The following GDAP1 variants were observed in gnomAD, a reference collection of about 807,000 sequenced individuals.
GDAP1 encodes the protein ganglioside-induced differentiation-associated protein 1.
Under a neutral mutation model 40.1 loss-of-function variants are expected in GDAP1, and 34 were observed. The observed-to-expected ratio is 0.85, with a 90% CI of 0.64 to 1.13. The LOEUF (loss-of-function observed/expected upper bound fraction) is 1.13. GDAP1 is among the 50% of genes most tolerant of loss of function. The probability of loss-of-function intolerance (pLI) is 0.00; values close to 1 mark genes in which losing one functional copy is unlikely to be tolerated. For missense variants in GDAP1, 374 were observed against 433.7 expected (o/e 0.86, Z 1.22); for synonymous variants, 170 against 157.4 (o/e 1.08, Z -0.60).
chr8:74,449,542 T>C (rs1412777737), intron 2 of GDAP1, among the ~76,000 whole-genome samples: 5 of 152,022 alleles, frequency 3.3e-5, no homozygotes, highest in African/African-American at 1.2e-4. Context: ...TTTGCATATC[T>C]TTGTTAAATT....
intron 2 of GDAP1, among the ~76,000 whole-genome samples, chr8:74,415,862 T>C (rs1057206956): frequency 1.3e-5 from 2 of 149,324 alleles, no homozygotes; most frequent in East Asian, 1.9e-4. Context: ...AGGGGGACTG[T>C]GAGAGAGGTT....
intron 2 of GDAP1, among the ~76,000 whole-genome samples, chr8:74,352,198 A>G (rs1398779738): frequency 6.6e-6 from 1 of 152,216 alleles, no homozygotes; most frequent in Admixed American, 6.5e-5. Flanking sequence ...ACTGTCTCCC[A>G]TAATCCTTGC....
intron 2 of GDAP1, among the ~76,000 whole-genome samples, chr8:74,377,559 T>A (rs1057122443): frequency 6.6e-6 from 1 of 152,180 alleles, no homozygotes; most frequent in Non-Finnish European, 1.5e-5. Flanking sequence ...AAATCCAAAT[T>A]AAAACCGCAA....
chr8:74,354,483 G>T (rs1200995115), intron 2 of GDAP1, among the ~76,000 whole-genome samples: 1 of 152,134 alleles, frequency 6.6e-6, no homozygotes, highest in Non-Finnish European at 1.5e-5. Flanking sequence ...GTGAATGACA[G>T]AAAAGGTAAA....
At chr8:74,381,029 A>G (rs1264127818) in intron 2 of GDAP1, among the ~76,000 whole-genome samples, 1 of 151,922 alleles carries the variant, frequency 6.6e-6, no homozygotes, top group Admixed American at 6.6e-5. Context: ...TAGGTGAGGG[A>G]GAAAGGGATT....
intron 2 of GDAP1, among the ~76,000 whole-genome samples, chr8:74,475,287 G>A (rs907604685): frequency 6.6e-6 from 1 of 151,520 alleles, no homozygotes; most frequent in Non-Finnish European, 1.5e-5. Flanking sequence ...GTGTCCTTTG[G>A]TTAAGCTCTG....
At chr8:74,398,235 C>T (rs1234136722) in intron 2 of GDAP1, among the ~76,000 whole-genome samples, 2 of 152,086 alleles carry the variant, frequency 1.3e-5, no homozygotes, top group Non-Finnish European at 2.9e-5. Flanking sequence ...TTCTTTGTCT[C>T]TTTTGATCTT....
chr8:74,395,286 A>G (rs548659728), intron 2 of GDAP1, among the ~76,000 whole-genome samples: 1 of 152,194 alleles, frequency 6.6e-6, no homozygotes, highest in African/African-American at 2.4e-5. Context: ...TTTTAAGTTC[A>G]GGGACCTGGT....
intron 2 of GDAP1, among the ~76,000 whole-genome samples, chr8:74,477,468 T>TA (rs1806644851): frequency 1.3e-5 from 2 of 152,264 alleles, no homozygotes; most frequent in East Asian, 3.9e-4. Context: ...GGATGGTTTT[T>TA]TTTTTTAATT....
At chr8:74,459,265 TATAATGGAA>T (rs1806372158) in intron 2 of GDAP1, among the ~76,000 whole-genome samples, 1 of 152,192 alleles carries the variant, frequency 6.6e-6, no homozygotes, top group Non-Finnish European at 1.5e-5. Context: ...CAGTGTCATA[TATAATGGAA>T]ATAATGAGGA....
chr8:74,350,663 C>T (rs1808812668), intron 1 of GDAP1, 85 bp downstream of exon 1: 1 of 923,466 alleles, frequency 1.1e-6, no homozygotes, highest in South Asian at 1.3e-5. Flanking sequence ...CCAGGGAAGC[C>T]GGTCCACCTA....
At chr8:74,477,771 C>A (rs1263862555) in intron 2 of GDAP1, among the ~76,000 whole-genome samples, 1 of 152,126 alleles carries the variant, frequency 6.6e-6, no homozygotes, top group Non-Finnish European at 1.5e-5. Context: ...TTCACATATA[C>A]CAGCAACAGT....
intron 2 of GDAP1, among the ~76,000 whole-genome samples, chr8:74,416,349 A>G (rs1213582424): frequency 6.7e-6 from 1 of 150,050 alleles, no homozygotes; most frequent in Non-Finnish European, 1.5e-5. Context: ...TGAGGCATGC[A>G]CAAATCTCTG....
chr8:74,444,142 C>A (rs570724933), intron 2 of GDAP1, among the ~76,000 whole-genome samples: 1 of 150,902 alleles, frequency 6.6e-6, no homozygotes, highest in Non-Finnish European at 1.5e-5. Flanking sequence ...TGAAAACAGC[C>A]AACTGTCCAT....
At chr8:74,402,557 C>T (rs1316555609) in intron 2 of GDAP1, among the ~76,000 whole-genome samples, 1 of 150,164 alleles carries the variant, frequency 6.7e-6, no homozygotes, top group Non-Finnish European at 1.5e-5. Flanking sequence ...GTGCGCTGCA[C>T]CCACTGTCCT....
At chr8:74,375,145 G>C (rs1809830269) in intron 2 of GDAP1, among the ~76,000 whole-genome samples, 1 of 152,126 alleles carries the variant, frequency 6.6e-6, no homozygotes, top group Non-Finnish European at 1.5e-5. Flanking sequence ...TGGCCAACAT[G>C]GTGAAACTCT....
chr8:74,368,607 A>T (rs1329599931), downstream of GDAP1, among the ~76,000 whole-genome samples: 3 of 152,172 alleles, frequency 2.0e-5, no homozygotes, highest in Admixed American at 6.5e-5. Flanking sequence ...GTCCTATCAG[A>T]GGGCAATTTA....
At chr8:74,466,546 A>G (rs1020852435) in intron 2 of GDAP1, among the ~76,000 whole-genome samples, 3 of 152,196 alleles carry the variant, frequency 2.0e-5, no homozygotes, top group Non-Finnish European at 4.4e-5. Flanking sequence ...TTGAAGATAG[A>G]GCTTGCAAGA....
At chr8:74,353,450 A>G (rs1336735722) in intron 2 of GDAP1, among the ~76,000 whole-genome samples, 1 of 152,240 alleles carries the variant, frequency 6.6e-6, no homozygotes, top group African/African-American at 2.4e-5. Context: ...AGGCTAAGTT[A>G]TATAAATCGA....
Sources: allele counts gnomAD v4.1 joint callset (sites outside exome capture counted in the v4.1 genomes callset), GRCh38; gene constraint gnomAD v4.1.1; transcripts MANE v1.5; gene names NCBI Gene and HGNC (gene_info 2026-07-23, HGNC 2026-07-21).